Variants in OXR1 observed in about 807,000 individuals in gnomAD.
OXR1 encodes the protein oxidation resistance protein 1.
OXR1 carries 41 observed loss-of-function variants against 104.6 expected under a neutral mutation model. That is an observed-to-expected ratio of 0.39 (90% confidence interval 0.31 to 0.51). OXR1 has a LOEUF of 0.51. Among genes scored for constraint, OXR1 ranks in the 20% least tolerant of loss-of-function variants. OXR1 has a pLI of 0.77. For missense variants in OXR1, 955 were observed against 1,031.9 expected, an observed-to-expected ratio of 0.93 and a Z score of 1.02; for synonymous variants, 348 against 348.4, an observed-to-expected ratio of 1.00 and a Z score of 0.01.
intron 1 of OXR1, among the ~76,000 whole-genome samples, chr8:106,311,284 G>A (rs548091127): frequency 6.6e-6 from 1 of 151,932 alleles, no homozygotes; most frequent in South Asian, 2.1e-4. Context: ...GTGTTCTAAA[G>A]TTTTCCTCTG....
Position 106,691,466 on chromosome 8 carries a change from A to G in OXR1, c.526-1262A>G, listed in dbSNP as rs577405057. Among the ~76,000 whole-genome samples the G allele has an allele frequency of 8.3e-4, 126 of 152,012 alleles. 1 individual carries two copies. The highest frequency in any genetic ancestry group is 2.9e-3 in the African/African-American group (121 of 41,514). On this transcript the variant is annotated intron_variant, in intron 6 of 16. Transcript: ENST00000517566. ...TTGTGCTTTGCTTTGAGCATTTGCT[A>G]ATCTCATATTCTTTTTAAAAGAATT...
chr8:106,438,836 A>G (rs1586643973), intron 2 of OXR1, among the ~76,000 whole-genome samples: 1 of 152,102 alleles, frequency 6.6e-6, no homozygotes, highest in Non-Finnish European at 1.5e-5. Context: ...TCCGCTTCCC[A>G]TAATTTACTA....
chr8:106,574,467 G>T (rs187357603), intron 3 of OXR1, among the ~76,000 whole-genome samples: 3 of 152,216 alleles, frequency 2.0e-5, no homozygotes, highest in African/African-American at 7.2e-5. Flanking sequence ...CATCACTTCT[G>T]TTTATCTCTC....
At chr8:106,454,807 A>G (rs980665532) in intron 2 of OXR1, among the ~76,000 whole-genome samples, 1 of 152,138 alleles carries the variant, frequency 6.6e-6, no homozygotes, top group Non-Finnish European at 1.5e-5. Context: ...GAACTGGGGC[A>G]GATGCTTTTT....
chr8:106,335,827 G>C (rs1421327938), intron 1 of OXR1, among the ~76,000 whole-genome samples: 1 of 152,062 alleles, frequency 6.6e-6, no homozygotes, highest in Non-Finnish European at 1.5e-5. Context: ...CAGGTGCGGT[G>C]GCTCATGCCT....
chr8:106,670,904 G>T (rs1399713409), intron 3 of OXR1, among the ~76,000 whole-genome samples: 4 of 151,642 alleles, frequency 2.6e-5, no homozygotes, highest in African/African-American at 9.7e-5. Context: ...TAAAAATCAG[G>T]CGTGGTGGTG....
intron 1 of OXR1, among the ~76,000 whole-genome samples, chr8:106,274,295 A>G (rs1811938024): frequency 6.6e-6 from 1 of 152,168 alleles, no homozygotes; most frequent in South Asian, 2.1e-4. Flanking sequence ...ATACTGTTCT[A>G]ATATCCCCTG....
chr8:106,415,494 TG>T (rs1818634099), intron 2 of OXR1, among the ~76,000 whole-genome samples: 4 of 75,172 alleles, frequency 5.3e-5, no homozygotes, highest in African/African-American at 1.7e-4. Context: ...ATTTTAAGAC[TG>T]TGTGTGTGTG....
chr8:106,328,456 G>A (rs1814570324), intron 1 of OXR1, among the ~76,000 whole-genome samples: 1 of 152,118 alleles, frequency 6.6e-6, no homozygotes, highest in South Asian at 2.1e-4. Context: ...TTTTATCCCT[G>A]TCCAGTAAAA....
At chr8:106,566,381 A>C in intron 3 of OXR1, among the ~76,000 whole-genome samples, 1 of 152,182 alleles carries the variant, frequency 6.6e-6, no homozygotes, top group Non-Finnish European at 1.5e-5. Flanking sequence ...GCTCATCACC[A>C]CTGGTCATTA....
intron 3 of OXR1, among the ~76,000 whole-genome samples, chr8:106,596,514 T>C (rs2130729018): frequency 6.6e-6 from 1 of 152,208 alleles, no homozygotes; most frequent in South Asian, 2.1e-4. Flanking sequence ...TAATAAATAA[T>C]AAATTTATCA....
At chr8:106,331,197 G>C (rs983275266) in intron 1 of OXR1, among the ~76,000 whole-genome samples, 10 of 152,168 alleles carry the variant, frequency 6.6e-5, no homozygotes, top group Non-Finnish European at 1.5e-4. Context: ...TTTATCATTA[G>C]TCCCCAAGTA....
chr8:106,348,159 T>C (rs1436887014), intron 1 of OXR1, among the ~76,000 whole-genome samples: 5 of 152,120 alleles, frequency 3.3e-5, no homozygotes, highest in African/African-American at 4.8e-5. Flanking sequence ...TTTAGTTTAT[T>C]TGGAGAGAAA....
chr8:106,414,102 A>G (rs1818572391), intron 2 of OXR1, among the ~76,000 whole-genome samples: 1 of 152,104 alleles, frequency 6.6e-6, no homozygotes, highest in Admixed American at 6.6e-5. Flanking sequence ...TTCTTAACCA[A>G]TAATATTTTT....
intron 2 of OXR1, among the ~76,000 whole-genome samples, chr8:106,385,150 C>T (rs1817323616): frequency 6.6e-6 from 1 of 152,198 alleles, no homozygotes; most frequent in Non-Finnish European, 1.5e-5. Flanking sequence ...TCAAAGTGAA[C>T]ATCCTAGGGC....
At chr8:106,455,006 G>T (rs957215720) in intron 2 of OXR1, among the ~76,000 whole-genome samples, 1 of 152,238 alleles carries the variant, frequency 6.6e-6, no homozygotes, top group Middle Eastern at 3.4e-3. Context: ...ACTTTTGTCT[G>T]TACCCTTGCT....
intron 2 of OXR1, among the ~76,000 whole-genome samples, chr8:106,515,646 A>G (rs1390014159): frequency 6.6e-6 from 1 of 152,148 alleles, no homozygotes; most frequent in African/African-American, 2.4e-5. Context: ...TTGTGTATAC[A>G]TGCAAGTTGT....
At chr8:106,453,898 T>G (rs1395605584) in intron 2 of OXR1, among the ~76,000 whole-genome samples, 1 of 152,196 alleles carries the variant, frequency 6.6e-6, no homozygotes, top group Non-Finnish European at 1.5e-5. Flanking sequence ...AAACACACCA[T>G]TATTTTACAC....
chr8:106,346,885 A>G (rs1815507408), intron 1 of OXR1, among the ~76,000 whole-genome samples: 2 of 152,256 alleles, frequency 1.3e-5, no homozygotes, highest in South Asian at 2.1e-4. Flanking sequence ...TAAAAATACA[A>G]AAACAAAATT....
Sources: allele counts gnomAD v4.1 joint callset (sites outside exome capture counted in the v4.1 genomes callset), GRCh38; gene constraint gnomAD v4.1.1; transcripts MANE v1.5; gene names NCBI Gene and HGNC (gene_info 2026-07-23, HGNC 2026-07-21).